TRDMT1: variants seen among roughly 807,000 people sequenced by gnomAD.
The protein encoded by TRDMT1 is tRNA (cytosine(38)-C(5))-methyltransferase.
Under a neutral mutation model 51.2 loss-of-function variants are expected in TRDMT1, and 49 were observed. The observed-to-expected ratio is 0.96, with a 90% CI of 0.76 to 1.21. TRDMT1 has a LOEUF of 1.21. Among genes scored for constraint, TRDMT1 ranks in the 50% most tolerant of loss-of-function variants. The pLI is 0.00. For missense variants in TRDMT1, 534 were observed against 462.3 expected, an observed-to-expected ratio of 1.16 and a Z score of -1.42; for synonymous variants, 187 against 164.6, an observed-to-expected ratio of 1.14 and a Z score of -1.04.
intron 5 of TRDMT1, among the ~76,000 whole-genome samples, chr10:17,160,649 T>A (rs1307761290): frequency 6.6e-6 from 1 of 152,078 alleles, no homozygotes; most frequent in Non-Finnish European, 1.5e-5. Context: ...TTTTTTGTAT[T>A]TTTAGTAGAT....
At chr10:17,195,604 G>GA (rs201915728) in intron 1 of TRDMT1, among the ~76,000 whole-genome samples, 66 of 144,190 alleles carry the variant, frequency 4.6e-4, no homozygotes, top group South Asian at 1.1e-3. Context: ...TCTAGAAGCT[G>GA]AAAAAAAAAA....
intron 2 of TRDMT1, 106 bp downstream of exon 2, chr10:17,174,445 T>C (rs2131518369): frequency 2.9e-6 from 2 of 683,778 alleles, no homozygotes; most frequent in Admixed American, 2.9e-5. Context: ...CTTAAATTTA[T>C]ATATGCTTTA....
rs142403002 is a variant in TRDMT1 at position 17,157,650 on chromosome 10, A to G, written c.678T>C (p.Asp226=). The G allele has an allele frequency of 1.6e-5, 26 of 1,613,528 alleles. No individual in the cohort carries two copies. In the African/African-American group the frequency reaches 3.1e-4, roughly 19 times the overall value. ...CAGTTTCAAGCTTAAAAAGAATGGC[A>G]TCTTTTCCAGAACACTGTATGCTGC... The part of the protein sequence containing the change: ...FDGSIQCSGK[D]AILFKLETAE... Residue 226 remains aspartate (D), a synonymous_variant, in exon 8 of 11, where the codon GAT becomes GAC. Coordinates refer to ENST00000377799, the MANE Select transcript of TRDMT1 (RefSeq NM_004412.7).
intron 2 of TRDMT1, among the ~76,000 whole-genome samples, chr10:17,172,370 T>C (rs1400307504): frequency 1.3e-5 from 2 of 152,040 alleles, no homozygotes; most frequent in African/African-American, 4.8e-5. Flanking sequence ...AATCAAAGAT[T>C]CAGTGGGCCA....
chr10:17,143,750 A>T lies in TRDMT1; in HGVS notation c.*5290T>A. 1 of 985,434 alleles carries T rather than the reference A, an allele frequency of 1.0e-6. No individual in the cohort carries two copies. Among genetic ancestry groups the T allele is most frequent in the South Asian group, 4.7e-5 (1 of 21,288 alleles). The allele number at this position is 985,434 out of a possible 1,614,324, so 61.0% of individuals were successfully genotyped here. ...GGCCTGCCTTAGGAAGGCCATTTTA[A>T]CAGAAGCTGACCAATGGAATGCAGA... is the stretch of plus-strand genomic sequence containing the variant. On this transcript the variant is annotated 3_prime_UTR_variant, in exon 11 of 11. Transcript: ENST00000377799.
chr10:17,150,002 G>A (rs890429651), intron 10 of TRDMT1, among the ~76,000 whole-genome samples: 1 of 152,062 alleles, frequency 6.6e-6, no homozygotes, highest in Non-Finnish European at 1.5e-5. Flanking sequence ...ATACATAGGG[G>A]TGAAACTGCT....
chr10:17,164,299 C>A (rs1196484075), intron 3 of TRDMT1, among the ~76,000 whole-genome samples: 1 of 152,264 alleles, frequency 6.6e-6, no homozygotes, highest in Non-Finnish European at 1.5e-5. Flanking sequence ...GCAGAAAAGA[C>A]CTTTGACAAA....
At position 17,141,023 on chromosome 10, in the gene TRDMT1, A is replaced by G. The variant is rs1837637301; in HGVS notation, c.*8017T>C. ...AGATAAAACAGAGATCTCTTGAAGG[A>G]TAGTTTGGCTAGATATAGAATTCAT... On this transcript the variant is annotated 3_prime_UTR_variant, in exon 11 of 11. Transcript: ENST00000377799. Among the ~76,000 whole-genome samples the G allele has an allele frequency of 6.6e-6, 1 of 152,208 alleles. No individual in the cohort carries two copies. The highest frequency in any genetic ancestry group is 1.5e-5 in the Non-Finnish European group (1 of 68,028).
At chr10:17,169,690 A>G (rs1841704680) in intron 2 of TRDMT1, among the ~76,000 whole-genome samples, 2 of 152,206 alleles carry the variant, frequency 1.3e-5, no homozygotes, top group Admixed American at 6.5e-5. Flanking sequence ...TAAGAAGTTC[A>G]AGCACATGAA....
Position 17,139,069 on chromosome 10 carries a change from T to C in TRDMT1, c.*9971A>G, listed in dbSNP as rs1481927377. The C allele has an allele frequency of 3.1e-6, 2 of 636,812 alleles. No individual in the cohort carries two copies. The highest frequency in any genetic ancestry group is 2.0e-5 in the African/African-American group (1 of 50,240). The allele number at this position is 636,812 out of a possible 1,614,324, so 39.4% of individuals were successfully genotyped here. On this transcript the variant is annotated 3_prime_UTR_variant, in exon 11 of 11. Transcript: ENST00000377799. ...GTAAAAAAATCAACAGAGCTTTCTCTACCTCCAACAGCTCCCGGAATGGGG... is the reference window on the plus strand; with the variant it reads ...GTAAAAAAATCAACAGAGCTTTCTCCACCTCCAACAGCTCCCGGAATGGGG...
chr10:17,200,497 A>G (rs532586565), intron 1 of TRDMT1: 2 of 168,158 alleles, frequency 1.2e-5, no homozygotes, highest in African/African-American at 4.8e-5. Flanking sequence ...CGCTAAACCC[A>G]TTAAATATTG....
At chr10:17,194,369 C>A (rs1564347366) in intron 1 of TRDMT1, among the ~76,000 whole-genome samples, 1 of 152,104 alleles carries the variant, frequency 6.6e-6, no homozygotes, top group Non-Finnish European at 1.5e-5. Context: ...AGTAAACAGA[C>A]AACTCACAGA....
At chr10:17,154,597 A>G in intron 9 of TRDMT1, 80 bp downstream of exon 9, 4 of 1,102,094 alleles carry the variant, frequency 3.6e-6, no homozygotes, top group Non-Finnish European at 3.7e-6. Context: ...AATGCATAAA[A>G]TTATTCTAAT....
chr10:17,196,318 T>C (rs1163302069), intron 1 of TRDMT1, among the ~76,000 whole-genome samples: 2 of 152,258 alleles, frequency 1.3e-5, no homozygotes, highest in Non-Finnish European at 2.9e-5. Context: ...CTTTTAAGGC[T>C]GACTCCAATA....
chr10:17,175,987 T>C (rs117902001), intron 1 of TRDMT1, among the ~76,000 whole-genome samples: 41 of 152,346 alleles, frequency 2.7e-4, no homozygotes, highest in African/African-American at 1.9e-4. Flanking sequence ...CTCTTCTGCA[T>C]TGAAGTGCAA....
intron 5 of TRDMT1, 84 bp downstream of exon 5, chr10:17,161,399 T>A (rs2131432091): frequency 9.5e-7 from 1 of 1,055,916 alleles, no homozygotes; most frequent in Admixed American, 3.9e-5. Context: ...TATGCACTGG[T>A]TTTTAAGATT....
At position 17,169,564 on chromosome 10, in the gene TRDMT1, G is replaced by C. The variant is rs748825737; in HGVS notation, c.175-647C>G. 8 of 1,281,144 alleles carry C rather than the reference G, an allele frequency of 6.2e-6. No homozygotes were observed. In the South Asian group the frequency reaches 9.9e-5, roughly 16 times the overall value. 79.4% of individuals were successfully genotyped at this position (1,281,144 alleles called of 1,614,324 possible). A position where few individuals can be genotyped will look rare whatever the true frequency, so the allele number is the denominator to read the frequency against. ...TCTATATCTCAGAAGACAAACACAG[G>C]GAAGCACACGTCAGGGGTTTGCCAA... On this transcript the variant is annotated intron_variant, in intron 2 of 10. Transcript: ENST00000377799.
intron 1 of TRDMT1, among the ~76,000 whole-genome samples, chr10:17,193,088 G>C (rs1346006669): frequency 6.6e-6 from 1 of 152,160 alleles, no homozygotes; most frequent in African/African-American, 2.4e-5. Context: ...AAGGAGCCAG[G>C]CACAGTGGCT....
chr10:17,200,605 GCA>G (rs779067145), intron 1 of TRDMT1: 1 of 166,304 alleles, frequency 6.0e-6, no homozygotes, highest in East Asian at 1.9e-4. Flanking sequence ...GAATAAACAT[GCA>G]CCTTCAAAGC....
Sources: gnomAD v4.1 joint callset for allele counts (sites outside exome capture counted in the v4.1 genomes callset) on GRCh38, gnomAD v4.1.1 for gene constraint, MANE v1.5 for transcripts, NCBI Gene and HGNC (gene_info 2026-07-23, HGNC 2026-07-21) for gene names.